ZNF630: variants seen among roughly 807,000 people sequenced by gnomAD.
ZNF630 encodes the protein dJ54B20.2 (novel KRAB box containing C2H2 type zinc finger protein).
Under a neutral mutation model 7.2 loss-of-function variants are expected in ZNF630, and 5 were observed. The ratio of observed to expected loss-of-function variants is 0.70; its 90% CI spans 0.36 to 1.46. The LOEUF (loss-of-function observed/expected upper bound fraction) is 1.46. Ranked by LOEUF, ZNF630 falls within the 40% of genes most tolerant of loss-of-function variation. The pLI is 0.03. For synonymous variants in ZNF630, 158 were observed against 162.8 expected, an observed-to-expected ratio of 0.97 and a Z score of 0.23; for missense variants, 461 against 477.0, an observed-to-expected ratio of 0.97 and a Z score of 0.31.
Position 48,059,178 on chromosome X carries a change from G to C in ZNF630, c.1264C>G (p.Gln422Glu). The C allele has an allele frequency of 1.7e-5, 21 of 1,208,413 alleles. No individual in the cohort carries two copies. The highest frequency in any genetic ancestry group is 2.4e-5 in the Non-Finnish European group (21 of 893,161). The stretch of plus-strand genomic sequence containing the variant: ...GGCTTCTCTCCAGTATGCGTTCTCT[G>C]ATGTATAATGAGCTGTGTTTTCCGA... ...FPRKTQLIIH[Q>E]RTHTGEKPYK... Residue 422 changes from glutamine to glutamate, a missense_variant, in exon 5 of 5, where the codon CAG (glutamine) becomes GAG (glutamate). Transcript: ENST00000276054.
At chrX:48,064,446 G>T (rs1316821311) in intron 2 of ZNF630, among the ~76,000 whole-genome samples, 1 of 111,004 alleles carries the variant, frequency 9.0e-6, no homozygotes, top group Non-Finnish European at 1.9e-5. Context: ...GTTTTTCAAT[G>T]GCCCACAAGC....
At chrX:48,064,147 G>T (rs1409192157) in intron 2 of ZNF630, among the ~76,000 whole-genome samples, 2 of 110,612 alleles carry the variant, frequency 1.8e-5, no homozygotes, top group African/African-American at 6.6e-5. Context: ...AGCACAGAGG[G>T]TTCCTGGGTG....
At chrX:48,070,270 T>C (rs1022978086) in intron 1 of ZNF630, among the ~76,000 whole-genome samples, 8 of 109,683 alleles carry the variant, frequency 7.3e-5, no homozygotes, top group Non-Finnish European at 1.3e-4. Context: ...GAAGGAGATA[T>C]TTGCAAAACA....
chrX:48,066,594 C>T (rs1322653809), intron 2 of ZNF630: 13 of 328,375 alleles, frequency 4.0e-5, no homozygotes, highest in Non-Finnish European at 5.8e-5. Flanking sequence ...TCTTGACTTG[C>T]TAAGGAGCTG....
chrX:48,064,952 G>C (rs782370346), intron 2 of ZNF630, among the ~76,000 whole-genome samples: 2 of 111,895 alleles, frequency 1.8e-5, no homozygotes, highest in South Asian at 7.4e-4. Context: ...TTGAATAGTT[G>C]CAACAGGGGC....
chrX:48,069,852 T>TG (rs1326872938), intron 1 of ZNF630, among the ~76,000 whole-genome samples: 44,053 of 99,229 alleles, frequency 0.44, 7,267 homozygotes, highest in East Asian at 0.86. Flanking sequence ...TTTTTTTTTT[T>TG]TTTGTTTTTT....
intron 2 of ZNF630, among the ~76,000 whole-genome samples, chrX:48,063,432 A>C (rs782137097): frequency 1.8e-5 from 2 of 111,600 alleles, no homozygotes; most frequent in South Asian, 7.4e-4. Context: ...CCCTATAGAA[A>C]AGCAAATGAA....
At chrX:48,065,666 A>G (rs60406450) in intron 2 of ZNF630, among the ~76,000 whole-genome samples, 1,566 of 106,632 alleles carry the variant, frequency 0.015, 28 homozygotes, top group African/African-American at 0.053. Context: ...CTGGGCGACA[A>G]GAGTGAAACT....
At chrX:48,065,630 C>T (rs1342965755) in intron 2 of ZNF630, among the ~76,000 whole-genome samples, 1 of 104,688 alleles carries the variant, frequency 9.6e-6, no homozygotes, top group African/African-American at 3.5e-5. Context: ...TTGCAATGAG[C>T]GGATATCGTG....
Position 48,059,772 on chromosome X carries a change from T to C in ZNF630, c.670A>G (p.Lys224Glu), listed in dbSNP as rs145529268. The change falls in exon 5 of 5, where the codon AAG (lysine) becomes GAG (glutamate). Residue 224 changes from lysine (K) to glutamate (E), a missense_variant. Physicochemically the swap from Lys to Glu is moderately conservative, Grantham distance 56. Coordinates refer to ENST00000276054, the MANE Select transcript of ZNF630 (RefSeq NM_001282201.2). ...ATTCCAGTATGAATGAAGCCTTCCT[T>C]CTCAGGCACAGAACAGGAAGCATTA... ...KYNASCSVPE[K>E]EGFIHTGMEP... The C allele has an allele frequency of 5.8e-6, 7 of 1,208,686 alleles. No homozygotes were observed. The highest frequency in any genetic ancestry group is 5.6e-6 in the Non-Finnish European group (5 of 893,253).
chrX:48,057,826 T>C lies in ZNF630; in HGVS notation c.*642A>G, dbSNP rs1033811577. Among the ~76,000 whole-genome samples the C allele has an allele frequency of 1.8e-5, 2 of 110,817 alleles. No homozygotes were observed. The highest frequency in any genetic ancestry group is 3.8e-5 in the Non-Finnish European group (2 of 52,889). ...ATCCCAGCACTTTGGGAAGCCGAAG[T>C]GGGTGGATCACCTGAGGTCAGGAGT... is the stretch of plus-strand genomic sequence containing the variant. On this transcript the variant is annotated 3_prime_UTR_variant, in exon 5 of 5. Transcript: ENST00000276054.
At position 48,060,898 on chromosome X, in the gene ZNF630, C is replaced by G; in HGVS notation, c.63G>C (p.Glu21Asp). 8.3e-7 allele frequency: 1 copy of G among 1,206,117 alleles called. No homozygotes were observed. Among genetic ancestry groups the G allele is most frequent in the Non-Finnish European group, 1.1e-6 (1 of 891,631 alleles). Residue 21 changes from glutamate to aspartate, a missense_variant, in exon 3 of 5, where the codon GAG becomes GAC. Coordinates refer to ENST00000276054, the MANE Select transcript of ZNF630 (RefSeq NM_001282201.2). ...EDVAVDFTQE[E>D]WQQLNPAQKT... ...TCTGAGCAGGATTCAACTGCTGCCA[C>G]TCTTCCTGCGTGAAGTCCACAGCCA...
At chrX:48,065,457 G>GAAAGAAAGAA (rs1556909921) in intron 2 of ZNF630, among the ~76,000 whole-genome samples, 9 of 75,174 alleles carry the variant, frequency 1.2e-4, no homozygotes, top group African/African-American at 3.3e-4. Context: ...AAGAAAGAAA[G>GAAAGAAAGAA]AGAGAGAGAG....
At chrX:48,070,329 G>A (rs1212368103) in intron 1 of ZNF630, among the ~76,000 whole-genome samples, 1 of 108,369 alleles carries the variant, frequency 9.2e-6, no homozygotes, top group African/African-American at 3.4e-5. Context: ...AACAATTCCT[G>A]GCCGGGCACG....
intron 1 of ZNF630, among the ~76,000 whole-genome samples, chrX:48,070,094 G>C (rs1319290873): frequency 9.4e-6 from 1 of 106,774 alleles, no homozygotes; most frequent in Non-Finnish European, 1.9e-5. Context: ...TCCTGACCTC[G>C]TGATCCGGCC....
At chrX:48,067,468 G>A (rs60650323) in intron 1 of ZNF630, among the ~76,000 whole-genome samples, 4,133 of 111,579 alleles carry the variant, frequency 0.037, 199 homozygotes, top group African/African-American at 0.13. Context: ...ATGAAAATAT[G>A]TGTCTGGGAT....
chrX:48,058,557 A>T lies in ZNF630; in HGVS notation c.1885T>A (p.Cys629Ser). The T allele has an allele frequency of 1.7e-6, 2 of 1,208,127 alleles. No individual in the cohort carries two copies. The highest frequency in any genetic ancestry group is 2.2e-6 in the Non-Finnish European group (2 of 893,019). Residue 629 changes from cysteine to serine, a missense_variant, in exon 5 of 5, where the codon TGC becomes AGC. Transcript: ENST00000276054. ...RRHTGEKPSRCSDCGKAFCQH... is the reference protein window; with the variant it reads ...RRHTGEKPSRSSDCGKAFCQH... ...CAGAATGCCTTCCCACAGTCACTGC[A>T]TCTGGAGGGTTTCTCCCCAGTGTGT...
At chrX:48,065,458 AG>A (rs1756829371) in intron 2 of ZNF630, among the ~76,000 whole-genome samples, 6 of 65,425 alleles carry the variant, frequency 9.2e-5, no homozygotes, top group African/African-American at 1.9e-4. Context: ...AGAAAGAAAG[AG>A]AGAGAGAGAG....
chrX:48,067,518 T>C (rs1292163050), intron 1 of ZNF630, among the ~76,000 whole-genome samples: 1 of 112,089 alleles, frequency 8.9e-6, no homozygotes, highest in Non-Finnish European at 1.9e-5. Flanking sequence ...TAAAAAGTCA[T>C]TGAACTGCAT....
Sources: allele counts gnomAD v4.1 joint callset (sites outside exome capture counted in the v4.1 genomes callset), GRCh38; gene constraint gnomAD v4.1.1; transcripts MANE v1.5; gene names NCBI Gene and HGNC (gene_info 2026-07-23, HGNC 2026-07-21).